Variants in PPARG observed in about 807,000 individuals in gnomAD.
The protein encoded by PPARG is peroxisome proliferator activated receptor gamma.
Under a neutral mutation model 39.2 loss-of-function variants are expected in PPARG, and 17 were observed. The observed-to-expected ratio is 0.43, with a 90% CI of 0.30 to 0.65. The LOEUF is 0.65. Ranked by LOEUF, PPARG falls within the 30% of genes least tolerant of loss-of-function variation. The pLI is 0.13. For synonymous variants in PPARG, 223 were observed against 215.7 expected (o/e 1.03, Z -0.30); for missense variants, 406 against 585.9 (o/e 0.69, Z 3.17).
chr3:12,430,071 ATATT>A (rs1488378919), intron 7 of PPARG, among the ~76,000 whole-genome samples: 1 of 152,210 alleles, frequency 6.6e-6, no homozygotes, highest in African/African-American at 2.4e-5. Flanking sequence ...ACTTAGAAGA[ATATT>A]TAGAGTTCTG....
chr3:12,360,159 T>C (rs898611892), intron 2 of PPARG, among the ~76,000 whole-genome samples: 20 of 152,170 alleles, frequency 1.3e-4, no homozygotes, highest in Admixed American at 5.9e-4. Flanking sequence ...ACAGTTTTTC[T>C]CTTCTTTCTT....
intron 5 of PPARG, among the ~76,000 whole-genome samples, chr3:12,402,035 A>C (rs2050493642): frequency 6.6e-6 from 1 of 152,196 alleles, no homozygotes; most frequent in Non-Finnish European, 1.5e-5. Context: ...CTGTTTGTCC[A>C]TTTAAATTAA....
At chr3:12,335,371 G>A (rs1342453122) in intron 2 of PPARG, among the ~76,000 whole-genome samples, 2 of 152,108 alleles carry the variant, frequency 1.3e-5, no homozygotes, top group South Asian at 2.1e-4. Flanking sequence ...ATCAAATCAA[G>A]CTTTATTTTA....
intron 2 of PPARG, among the ~76,000 whole-genome samples, chr3:12,346,241 A>AT (rs1199444890): frequency 6.6e-6 from 1 of 152,086 alleles, no homozygotes; most frequent in Non-Finnish European, 1.5e-5. Context: ...ATCAGACACT[A>AT]TTTTTTCAGA....
intron 2 of PPARG, among the ~76,000 whole-genome samples, chr3:12,351,899 C>G (rs1053546169): frequency 1.3e-5 from 2 of 152,104 alleles, no homozygotes; most frequent in African/African-American, 4.8e-5. Context: ...TGCATGGCTC[C>G]CATTTCCTGA....
chr3:12,317,188 A>G (rs1290918462), intron 2 of PPARG, among the ~76,000 whole-genome samples: 2 of 152,194 alleles, frequency 1.3e-5, no homozygotes, highest in African/African-American at 2.4e-5. Flanking sequence ...GAGTGTTGAA[A>G]CATAGGCAAT....
chr3:12,354,008 T>G (rs1207973264), intron 2 of PPARG, among the ~76,000 whole-genome samples: 1 of 152,194 alleles, frequency 6.6e-6, no homozygotes, highest in Non-Finnish European at 1.5e-5. Flanking sequence ...GCAATGGAAA[T>G]ATGCCTTAGA....
chr3:12,335,857 G>A (rs1457496110), intron 2 of PPARG, among the ~76,000 whole-genome samples: 1 of 152,038 alleles, frequency 6.6e-6, no homozygotes, highest in African/African-American at 2.4e-5. Context: ...AAACAAGAAT[G>A]GCAGCACTGA....
At chr3:12,392,800 G>A (rs2050127864) in intron 5 of PPARG, 48 bp downstream of exon 5, 2 of 1,609,868 alleles carry the variant, frequency 1.2e-6, no homozygotes, top group Non-Finnish European at 1.7e-6. Flanking sequence ...CATTATAGCT[G>A]CCAGACCAGT....
At chr3:12,394,593 A>G (rs1269600834) in intron 5 of PPARG, among the ~76,000 whole-genome samples, 3 of 152,200 alleles carry the variant, frequency 2.0e-5, no homozygotes, top group Admixed American at 6.5e-5. Flanking sequence ...AAGCAAGAAA[A>G]TATATGAATT....
chr3:12,365,661 CTT>C (rs2048994089), intron 2 of PPARG, among the ~76,000 whole-genome samples: 1 of 152,012 alleles, frequency 6.6e-6, no homozygotes, highest in Non-Finnish European at 1.5e-5. Context: ...AAAAGACTGT[CTT>C]TGCTCCAGTG....
In PPARG at chr3:12,417,066, C is replaced by T; in HGVS notation, c.1092C>T (p.Pro364=). 6.2e-7 allele frequency: 1 copy of T among 1,613,388 alleles called. No individual in the cohort carries two copies. Among genetic ancestry groups the T allele is most frequent in the African/African-American group, 1.3e-5 (1 of 74,964 alleles). The change falls in exon 7 of 8, where the codon CCC becomes CCT. Residue 364 remains proline (P), a synonymous_variant. Transcript: ENST00000651735. ...LRKPFGDFME[P]KFEFAVKFNA... is the part of the protein sequence containing the mutation. ...AGCCTTTTGGTGACTTTATGGAGCC[C>T]AAGTTTGAGTTTGCTGTGAAGTTCA...
chr3:12,339,884 T>C (rs868638411), intron 2 of PPARG, among the ~76,000 whole-genome samples: 1 of 152,360 alleles, frequency 6.6e-6, no homozygotes, highest in South Asian at 2.1e-4. Flanking sequence ...ATGTGGCATA[T>C]TGCTTGTCTG....
At chr3:12,379,282 G>C (rs1051786196) in intron 2 of PPARG, among the ~76,000 whole-genome samples, 1 of 152,152 alleles carries the variant, frequency 6.6e-6, no homozygotes, top group African/African-American at 2.4e-5. Flanking sequence ...TGGGATTACA[G>C]GTGTGAGCCA....
At chr3:12,337,818 G>A (rs1157429202) in intron 2 of PPARG, among the ~76,000 whole-genome samples, 5 of 151,872 alleles carry the variant, frequency 3.3e-5, no homozygotes, top group South Asian at 2.1e-4. Flanking sequence ...TGTAAAATAC[G>A]GTATAAACAA....
intron 1 of PPARG, among the ~76,000 whole-genome samples, chr3:12,305,307 C>T (rs569984955): frequency 6.6e-6 from 1 of 152,254 alleles, no homozygotes; most frequent in South Asian, 2.1e-4. Flanking sequence ...CTGAATTTAA[C>T]ATTAACAGAA....
intron 2 of PPARG, among the ~76,000 whole-genome samples, chr3:12,345,610 A>T (rs1414474799): frequency 6.6e-6 from 1 of 152,204 alleles, no homozygotes; most frequent in Admixed American, 6.5e-5. Context: ...GCTTTGGGCA[A>T]ATCATTTCAT....
chr3:12,370,323 T>C (rs1205413175), intron 2 of PPARG, among the ~76,000 whole-genome samples: 1 of 152,064 alleles, frequency 6.6e-6, no homozygotes, highest in African/African-American at 2.4e-5. Flanking sequence ...GAAGTACTTA[T>C]GATCATCTCT....
At position 12,365,162 on chromosome 3, in the gene PPARG, C is replaced by G. The variant is rs116763112; in HGVS notation, c.-8-14542C>G. ...ATGAGAATCTAATGCAGCCACTGAT[C>G]TGACAGGAGGTGGAGCTCAGGCTAT... is the stretch of plus-strand genomic sequence containing the variant. On this transcript the variant is annotated intron_variant, in intron 2 of 7. Transcript: ENST00000651735. Among the ~76,000 whole-genome samples, 1,083 of 152,328 alleles carry G rather than the reference C, an allele frequency of 7.1e-3. 13 individuals are homozygous for G. Among genetic ancestry groups the G allele is most frequent in the African/African-American group, 0.024 (999 of 41,576 alleles).
Sources: gnomAD v4.1 joint callset for allele counts (sites outside exome capture counted in the v4.1 genomes callset) on GRCh38, gnomAD v4.1.1 for gene constraint, MANE v1.5 for transcripts, NCBI Gene and HGNC (gene_info 2026-07-23, HGNC 2026-07-21) for gene names.